LHX2: variants seen among roughly 807,000 people sequenced by gnomAD.
LHX2 encodes the protein LIM homeobox 2, also known as LIM/homeobox protein Lhx2.
A neutral mutation model predicts 33.0 loss-of-function variants in LHX2; 6 were observed. The observed-to-expected ratio is 0.18, with a 90% CI of 0.10 to 0.36. The LOEUF (loss-of-function observed/expected upper bound fraction) is 0.36, where lower values mean the gene tolerates loss of function less well. LHX2 is among the 10% of genes least tolerant of loss of function. LHX2 has a pLI of 1.00. For synonymous variants in LHX2, 292 were observed against 253.1 expected, an observed-to-expected ratio of 1.15 and a Z score of -1.46; for missense variants, 442 against 586.2, an observed-to-expected ratio of 0.75 and a Z score of 2.54.
chr9:124,019,500 G>A (rs1045010492), intron 3 of LHX2, among the ~76,000 whole-genome samples: 4 of 152,194 alleles, frequency 2.6e-5, no homozygotes, highest in African/African-American at 9.7e-5. Flanking sequence ...TTTGAAATTT[G>A]TAGTATAAGT....
In LHX2 at chr9:124,021,230, A is replaced by G. The variant is rs1859287748; in HGVS notation, c.859A>G (p.Ile287Val). 3 of 1,614,068 alleles carry G rather than the reference A, an allele frequency of 1.9e-6. No individual in the cohort carries two copies. Among genetic ancestry groups the G allele is most frequent in the Non-Finnish European group, 2.5e-6 (3 of 1,180,032 alleles). ...QLRTMKSYFAINHNPDAKDLK... is the reference protein window; with the variant it reads ...QLRTMKSYFAVNHNPDAKDLK... ...TCGGACCATGAAGTCTTACTTTGCCATTAACCACAACCCCGACGCCAAGGA... is the reference window on the plus strand; with the variant it reads ...TCGGACCATGAAGTCTTACTTTGCCGTTAACCACAACCCCGACGCCAAGGA... The change falls in exon 4 of 5, where the codon ATT becomes GTT. Residue 287 changes from isoleucine to valine, a missense_variant. Physicochemically the swap from Ile to Val is conservative, Grantham distance 29. This residue lies in a region of LHX2 where 32 missense variants were observed against 95.3 expected (regional missense o/e 0.34). Coordinates refer to ENST00000373615, the MANE Select transcript of LHX2 (RefSeq NM_004789.4).
At chr9:124,026,196 C>T (rs905803003) in intron 4 of LHX2, among the ~76,000 whole-genome samples, 20 of 152,040 alleles carry the variant, frequency 1.3e-4, no homozygotes, top group Admixed American at 1.0e-3. Context: ...TGGTGGCTCA[C>T]GCCTGTAATT....
At chr9:124,019,066 G>T (rs1859247106) in intron 3 of LHX2, among the ~76,000 whole-genome samples, 1 of 152,232 alleles carries the variant, frequency 6.6e-6, no homozygotes, top group Non-Finnish European at 1.5e-5. Context: ...GAAAGAAAAG[G>T]GTTGCTCACC....
At chr9:124,013,255 C>T (rs975621666) in intron 1 of LHX2, among the ~76,000 whole-genome samples, 4 of 152,238 alleles carry the variant, frequency 2.6e-5, no homozygotes, top group Non-Finnish European at 5.9e-5. Flanking sequence ...AGCAGCGGCG[C>T]CAGTGTCCTC....
rs546971713 is a variant in LHX2 at position 124,032,846 on chromosome 9, A to G, written c.*139A>G. Reference sequence around the variant, plus strand: ...TCTCGCCTGGAAACAGAGGTAAAAAAAAGAAGTGTGCGCCCGGCTAATGCA... The same window carrying G: ...TCTCGCCTGGAAACAGAGGTAAAAAGAAGAAGTGTGCGCCCGGCTAATGCA... On this transcript the variant is annotated 3_prime_UTR_variant, in exon 5 of 5. Coordinates refer to ENST00000373615, the MANE Select transcript of LHX2 (RefSeq NM_004789.4). This position sits in a 1 kb window ranked among gnomAD's most constrained non-coding sequence, Gnocchi z 4.1. The G allele has an allele frequency of 1.9e-5, 19 of 1,000,160 alleles. No homozygotes were observed. The highest frequency in any genetic ancestry group is 3.3e-5 in the African/African-American group (2 of 60,822). The allele number at this position is 1,000,160 out of a possible 1,614,324, so 62.0% of individuals were successfully genotyped here.
At chr9:124,018,914 T>C (rs756115231) in intron 3 of LHX2, among the ~76,000 whole-genome samples, 1 of 152,094 alleles carries the variant, frequency 6.6e-6, no homozygotes, top group Non-Finnish European at 1.5e-5. Flanking sequence ...TCAGGGCAGG[T>C]CCCTTGGGCC....
intron 4 of LHX2, among the ~76,000 whole-genome samples, chr9:124,030,181 G>C (rs1588353150): frequency 6.6e-6 from 1 of 152,248 alleles, no homozygotes; most frequent in East Asian, 1.9e-4. Flanking sequence ...TTGTGGATTT[G>C]CTTTTAATTG....
In LHX2 at chr9:124,015,661, C is replaced by G. The variant is rs554347457; in HGVS notation, c.727+136C>G. The G allele has an allele frequency of 3.1e-6, 3 of 973,000 alleles. No homozygotes were observed. The East Asian group carries it at 8.2e-5, about 27-fold the overall frequency. 60.3% of individuals were successfully genotyped at this position (973,000 alleles called of 1,614,324 possible). A position where few individuals can be genotyped will look rare whatever the true frequency, so the allele number is the denominator to read the frequency against. Reference sequence around the variant, plus strand: ...GCACCGGACGGCCTCGCAGAAGGGACATTAGCCCCCTGGGCTTCCAGACTG... The same window carrying G: ...GCACCGGACGGCCTCGCAGAAGGGAGATTAGCCCCCTGGGCTTCCAGACTG... On this transcript the variant is annotated intron_variant, in intron 3 of 4. Transcript: ENST00000373615. This position sits in a 1 kb window ranked among gnomAD's most constrained non-coding sequence, Gnocchi z 7.9.
In LHX2 at chr9:124,032,857, C is replaced by A. The variant is rs567491024; in HGVS notation, c.*150C>A. Reference sequence around the variant, plus strand: ...AACAGAGGTAAAAAAAAGAAGTGTGCGCCCGGCTAATGCAGCGGTGTGGAC... The same window carrying A: ...AACAGAGGTAAAAAAAAGAAGTGTGAGCCCGGCTAATGCAGCGGTGTGGAC... On this transcript the variant is annotated 3_prime_UTR_variant, in exon 5 of 5. Coordinates refer to ENST00000373615, the MANE Select transcript of LHX2 (RefSeq NM_004789.4). The surrounding 1 kb of genome is among the most constrained non-coding windows in gnomAD (Gnocchi z 4.1). 17 of 860,904 alleles carry A rather than the reference C, an allele frequency of 2.0e-5. No individual in the cohort carries two copies. In the Admixed American group the frequency reaches 2.8e-4, roughly 14 times the overall value. 53.3% of individuals were successfully genotyped at this position (860,904 alleles called of 1,614,324 possible). A position where few individuals can be genotyped will look rare whatever the true frequency, so the allele number is the denominator to read the frequency against.
At position 124,015,856 on chromosome 9, in the gene LHX2, A is replaced by C. The variant is rs527992584; in HGVS notation, c.727+331A>C. Reference sequence around the variant, plus strand: ...GGATGGAGAAAGCAAGGCGGCGCTGACGCCAAACAGGTTTTGGGTTGGCGC... The same window carrying C: ...GGATGGAGAAAGCAAGGCGGCGCTGCCGCCAAACAGGTTTTGGGTTGGCGC... On this transcript the variant is annotated intron_variant, in intron 3 of 4. Transcript: ENST00000373615. This position sits in a 1 kb window ranked among gnomAD's most constrained non-coding sequence, Gnocchi z 7.9. Among the ~76,000 whole-genome samples, 57 of 152,358 alleles carry C rather than the reference A, an allele frequency of 3.7e-4. 1 individual carries two copies. The South Asian group carries it at 0.011, about 29-fold the overall frequency.
intron 4 of LHX2, among the ~76,000 whole-genome samples, chr9:124,026,140 T>G (rs1188093614): frequency 1.3e-5 from 2 of 152,120 alleles, no homozygotes; most frequent in African/African-American, 2.4e-5. Context: ...CTGGAGGCAC[T>G]GAGGATTCAG....
chr9:124,020,996 A>C, intron 3 of LHX2, 103 bp from the exon 4 acceptor site: 1 of 978,968 alleles, frequency 1.0e-6, no homozygotes, highest in Non-Finnish European at 1.6e-6. Flanking sequence ...GACATGCAGC[A>C]GGGTTAAGGA....
chr9:124,012,471 A>G lies in LHX2; in HGVS notation c.120+3A>G. 6.5e-7 allele frequency: 1 copy of G among 1,542,124 alleles called. No homozygotes were observed. On this transcript the variant is annotated splice_donor_region_variant and intron_variant, in intron 1 of 4. Coordinates refer to ENST00000373615, the MANE Select transcript of LHX2 (RefSeq NM_004789.4). The surrounding 1 kb of genome is among the most constrained non-coding windows in gnomAD (Gnocchi z 4.3). ...TCGACCGCGGCGACACCGAGACGGT[A>G]GGCGCGCGGCTGTGGGGTCGGGGCT... is the stretch of plus-strand genomic sequence containing the variant.
At position 124,013,962 on chromosome 9, in the gene LHX2, C is replaced by G; in HGVS notation, c.122C>G (p.Thr41Ser). 6.2e-7 allele frequency: 1 copy of G among 1,612,052 alleles called. No individual in the cohort carries two copies. The highest frequency in any genetic ancestry group is 8.5e-7 in the Non-Finnish European group (1 of 1,179,516). Residue 41 changes from threonine to serine, a missense_variant and splice_region_variant, in exon 2 of 5, where the codon ACC becomes AGC. By Grantham distance (58) the Thr-to-Ser change is moderately conservative. Coordinates refer to ENST00000373615, the MANE Select transcript of LHX2 (RefSeq NM_004789.4). ...SAIDRGDTETTMPSISSDRAA... is the reference protein window; with the variant it reads ...SAIDRGDTETSMPSISSDRAA... The stretch of plus-strand genomic sequence containing the variant: ...TCTTCCGCCTCCCTCCCTTCGCAGA[C>G]CATGCCGTCCATCAGCAGTGACCGC...
At position 124,014,695 on chromosome 9, in the gene LHX2, T is replaced by C. The variant is rs1859154522; in HGVS notation, c.324-427T>C. Among the ~76,000 whole-genome samples the C allele has an allele frequency of 6.6e-6, 1 of 152,214 alleles. No homozygotes were observed. The highest frequency in any genetic ancestry group is 2.1e-4 in the South Asian group (1 of 4,830). On this transcript the variant is annotated intron_variant, in intron 2 of 4. Transcript: ENST00000373615. This position sits in a 1 kb window ranked among gnomAD's most constrained non-coding sequence, Gnocchi z 4.8. ...CCCAGTTTTAGGATTAGGGTCTATG[T>C]ATATTCTCTCTGTCTCTGTCTCTAC... is the stretch of plus-strand genomic sequence containing the variant.
rs536150519 is a variant in LHX2 at position 124,016,054 on chromosome 9, A to G, written c.727+529A>G. Among the ~76,000 whole-genome samples, 504 of 152,344 alleles carry G rather than the reference A, an allele frequency of 3.3e-3. 3 individuals carry two copies. The highest frequency in any genetic ancestry group is 0.011 in the African/African-American group (466 of 41,588). The stretch of plus-strand genomic sequence containing the variant: ...GAACTCGGGCTTGGGGAACTCAGGA[A>G]AGCAAAGGCTGCGGTTCCTTTTGCT... On this transcript the variant is annotated intron_variant, in intron 3 of 4. Transcript: ENST00000373615. The surrounding 1 kb of genome is among the most constrained non-coding windows in gnomAD (Gnocchi z 4.4).
intron 4 of LHX2, among the ~76,000 whole-genome samples, chr9:124,027,834 G>C (rs1828649872): frequency 6.6e-6 from 1 of 152,080 alleles, no homozygotes; most frequent in South Asian, 2.1e-4. Context: ...AAAGATGCCT[G>C]GCACTTCATG....
intron 3 of LHX2, among the ~76,000 whole-genome samples, chr9:124,018,637 C>T (rs1859238682): frequency 6.6e-6 from 1 of 152,200 alleles, no homozygotes. Flanking sequence ...ACCCTCGCCA[C>T]AAGCTGCGCC....
chr9:124,020,292 G>C (rs974363976), intron 3 of LHX2, among the ~76,000 whole-genome samples: 1 of 151,900 alleles, frequency 6.6e-6, no homozygotes, highest in Non-Finnish European at 1.5e-5. Flanking sequence ...TTCCTTCCCC[G>C]TCCACTCTGC....
Sources: gnomAD v4.1 joint callset for allele counts (sites outside exome capture counted in the v4.1 genomes callset) on GRCh38, gnomAD v4.1.1 for gene constraint, gnomAD v4.1.1 regional missense constraint, Gnocchi (gnomAD v3.1) non-coding constraint, MANE v1.5 for transcripts, NCBI Gene and HGNC (gene_info 2026-07-23, HGNC 2026-07-21) for gene names.